The following DNM3 variants were observed in gnomAD, a reference collection of about 807,000 sequenced individuals.
DNM3 encodes dynamin-3.
In DNM3, 47 loss-of-function variants were observed where a neutral mutation model predicts 101.6. The observed-to-expected ratio is 0.46, with a 90% CI of 0.37 to 0.59. The LOEUF (loss-of-function observed/expected upper bound fraction) is 0.59, where lower values mean the gene tolerates loss of function less well. Among genes scored for constraint, DNM3 ranks in the 20% least tolerant of loss-of-function variants. The pLI is 0.00. For missense variants in DNM3, 849 were observed against 1,085.7 expected (o/e 0.78, Z 3.06); for synonymous variants, 385 against 387.9 (o/e 0.99, Z 0.09).
intron 11 of DNM3, among the ~76,000 whole-genome samples, chr1:172,070,868 G>A (rs1425079690): frequency 6.6e-6 from 1 of 151,576 alleles, no homozygotes; most frequent in East Asian, 1.9e-4. Context: ...CAGGCAGATT[G>A]CTTGAGGTCA....
intron 10 of DNM3, among the ~76,000 whole-genome samples, chr1:172,058,010 C>A (rs1434440471): frequency 7.1e-6 from 1 of 141,722 alleles, no homozygotes; most frequent in African/African-American, 2.7e-5. Context: ...ATCTACCAAG[C>A]AAATGGAAAA....
At chr1:172,037,893 C>G (rs747270595) in intron 6 of DNM3, among the ~76,000 whole-genome samples, 1 of 152,208 alleles carries the variant, frequency 6.6e-6, no homozygotes, top group Non-Finnish European at 1.5e-5. Context: ...TGGTAAACCA[C>G]TTAGTCCTGA....
chr1:172,151,217 G>A (rs2058114376), intron 14 of DNM3, among the ~76,000 whole-genome samples: 1 of 151,934 alleles, frequency 6.6e-6, no homozygotes, highest in East Asian at 1.9e-4. Flanking sequence ...GTGTTTTTTT[G>A]TAATCTTAAA....
At position 171,957,046 on chromosome 1, in the gene DNM3, T is replaced by TG. The variant is rs532323112; in HGVS notation, c.236-30604dup. Among the ~76,000 whole-genome samples the TG allele has an allele frequency of 1.8e-4, 27 of 152,224 alleles. No homozygotes were observed. In the East Asian group the frequency reaches 5.2e-3, roughly 29 times the overall value. ...CAGCCTTCACAACTGTGATGGGGGT[T>TG]GGGGGGCTGCTGTGAAGACCTCTGA... On this transcript the variant is annotated intron_variant, in intron 2 of 20. Transcript: ENST00000627582.
intron 14 of DNM3, among the ~76,000 whole-genome samples, chr1:172,175,474 G>A (rs1245331348): frequency 6.6e-6 from 1 of 151,678 alleles, no homozygotes; most frequent in Non-Finnish European, 1.5e-5. Flanking sequence ...TGTAAGGTAT[G>A]ATCCTAATTT....
intron 1 of DNM3, among the ~76,000 whole-genome samples, chr1:171,904,043 C>T (rs146285457): frequency 1.3e-5 from 2 of 151,952 alleles, no homozygotes; most frequent in Non-Finnish European, 2.9e-5. Flanking sequence ...CGCAGTGGCT[C>T]ACAGCTGTAA....
intron 14 of DNM3, among the ~76,000 whole-genome samples, chr1:172,142,832 A>G (rs531442894): frequency 5.9e-5 from 9 of 151,720 alleles, no homozygotes; most frequent in African/African-American, 2.2e-4. Context: ...AATTAGAAAA[A>G]ATATATTTCT....
intron 17 of DNM3, among the ~76,000 whole-genome samples, chr1:172,371,594 A>G (rs1475361854): frequency 1.3e-5 from 2 of 151,952 alleles, no homozygotes; most frequent in Non-Finnish European, 2.9e-5. Context: ...GCCCTGTCCT[A>G]TAAAATGTAT....
chr1:171,927,210 A>G (rs1324284115), intron 2 of DNM3, among the ~76,000 whole-genome samples: 3 of 152,238 alleles, frequency 2.0e-5, no homozygotes, highest in Non-Finnish European at 2.9e-5. Context: ...TTCAGGATAC[A>G]CTATCAATAC....
chr1:172,175,567 G>A (rs1394945810), intron 14 of DNM3, among the ~76,000 whole-genome samples: 1 of 151,688 alleles, frequency 6.6e-6, no homozygotes, highest in African/African-American at 2.4e-5. Context: ...ATTCTTTGAA[G>A]CTAAGTAAGT....
intron 13 of DNM3, among the ~76,000 whole-genome samples, chr1:172,114,226 A>T (rs1033152408): frequency 1.3e-5 from 2 of 152,172 alleles, no homozygotes; most frequent in African/African-American, 4.8e-5. Flanking sequence ...CTGCATGACA[A>T]GTCGTGGCTA....
intron 14 of DNM3, among the ~76,000 whole-genome samples, chr1:172,241,850 A>G (rs1361856379): frequency 6.6e-6 from 1 of 152,146 alleles, no homozygotes; most frequent in East Asian, 1.9e-4. Flanking sequence ...GATTGGCAGA[A>G]AGTATATCTC....
At position 172,411,925 on chromosome 1, in the gene DNM3, A is replaced by T; in HGVS notation, c.*4084A>T. The T allele has an allele frequency of 2.0e-6, 2 of 985,792 alleles. No individual in the cohort carries two copies. The highest frequency in any genetic ancestry group is 2.4e-6 in the Non-Finnish European group (2 of 829,874). 61.1% of individuals were successfully genotyped at this position (985,792 alleles called of 1,614,324 possible). The stretch of plus-strand genomic sequence containing the variant: ...TTGTACATTCTAAAAAGCTCAAATG[A>T]GTCTTCTAGATACTCTTACTCATCC... On this transcript the variant is annotated 3_prime_UTR_variant, in exon 21 of 21. Transcript: ENST00000627582.
intron 15 of DNM3, among the ~76,000 whole-genome samples, chr1:172,276,880 T>C (rs1000683833): frequency 2.0e-5 from 3 of 152,006 alleles, no homozygotes; most frequent in African/African-American, 7.2e-5. Context: ...AGTTAAGTAT[T>C]TGTGACAATA....
At chr1:171,858,884 A>G (rs1001174659) in intron 1 of DNM3, among the ~76,000 whole-genome samples, 2 of 152,132 alleles carry the variant, frequency 1.3e-5, no homozygotes, top group Non-Finnish European at 2.9e-5. Context: ...CTTAATTCCT[A>G]CAACCACTGA....
At chr1:171,893,511 T>C (rs1391778793) in intron 1 of DNM3, among the ~76,000 whole-genome samples, 1 of 152,082 alleles carries the variant, frequency 6.6e-6, no homozygotes, top group Non-Finnish European at 1.5e-5. Flanking sequence ...TGGAGTGCAG[T>C]GGCTTGATCA....
At position 172,379,167 on chromosome 1, in the gene DNM3, C is replaced by A; in HGVS notation, c.2043C>A (p.His681Gln). 6.2e-7 allele frequency: 1 copy of A among 1,607,622 alleles called. No homozygotes were observed. Among genetic ancestry groups the A allele is most frequent in the Non-Finnish European group, 8.5e-7 (1 of 1,176,654 alleles). Residue 681 changes from histidine to glutamine, a missense_variant, in exon 18 of 21, where the codon CAC (histidine) becomes CAA (glutamine). By Grantham distance (24) the His-to-Gln change is conservative. Around this residue, in one of 5 missense-constraint regions of DNM3, gnomAD observed 256 missense variants for 311.7 expected, o/e 0.82. Transcript: ENST00000627582. ...ATCTAATTCCAAAAACAATAATGCA[C>A]CTTATGATCAATAACGTAAGTGATT... Reference protein sequence around the residue: ...IRDLIPKTIMHLMINNVKDFI... With the variant: ...IRDLIPKTIMQLMINNVKDFI...
intron 14 of DNM3, among the ~76,000 whole-genome samples, chr1:172,190,491 A>G (rs1039457608): frequency 6.6e-6 from 1 of 152,146 alleles, no homozygotes; most frequent in Non-Finnish European, 1.5e-5. Context: ...ATGTGTCTTT[A>G]TAGCAGCATG....
chr1:172,076,717 C>T lies in DNM3; in HGVS notation c.1423-5115C>T, dbSNP rs191583518. ...TTGATGTGCTGCCGGATTCAGTTTGCCAGTATTTTATTGAGGATTTTCACA... is the reference window on the plus strand; with the variant it reads ...TTGATGTGCTGCCGGATTCAGTTTGTCAGTATTTTATTGAGGATTTTCACA... On this transcript the variant is annotated intron_variant, in intron 11 of 20. Transcript: ENST00000627582. Among the ~76,000 whole-genome samples the T allele has an allele frequency of 7.9e-5, 12 of 152,282 alleles. No homozygotes were observed. The East Asian group carries it at 2.1e-3, about 27-fold the overall frequency.
Sources: gnomAD v4.1 joint callset for allele counts (sites outside exome capture counted in the v4.1 genomes callset) on GRCh38, gnomAD v4.1.1 for gene constraint, gnomAD v4.1.1 regional missense constraint, MANE v1.5 for transcripts, NCBI Gene and HGNC (gene_info 2026-07-23, HGNC 2026-07-21) for gene names.